The following TFDP2 variants were observed in gnomAD, a reference collection of about 807,000 sequenced individuals.
The protein encoded by TFDP2 is transcription factor Dp-2 (E2F dimerization partner 2).
TFDP2 carries 17 observed loss-of-function variants against 59.3 expected under a neutral mutation model. The ratio of observed to expected loss-of-function variants is 0.29; its 90% CI spans 0.20 to 0.43. The LOEUF (loss-of-function observed/expected upper bound fraction) is 0.43. Ranked by LOEUF, TFDP2 falls within the 20% of genes least tolerant of loss-of-function variation. TFDP2 has a pLI of 1.00. For synonymous variants in TFDP2, 180 were observed against 194.7 expected (o/e 0.92, Z 0.63); for missense variants, 391 against 528.8 (o/e 0.74, Z 2.56).
At chr3:142,025,727 A>C (rs1310124111) in intron 3 of TFDP2, among the ~76,000 whole-genome samples, 1 of 152,226 alleles carries the variant, frequency 6.6e-6, no homozygotes, top group Non-Finnish European at 1.5e-5. Flanking sequence ...CAACCATTAC[A>C]TGTTGCTATT....
intron 3 of TFDP2, among the ~76,000 whole-genome samples, chr3:142,061,975 G>A (rs1230140852): frequency 1.4e-5 from 2 of 139,782 alleles, no homozygotes; most frequent in Admixed American, 7.4e-5. Context: ...GGTTCAAACT[G>A]TACAGGTACA....
intron 3 of TFDP2, among the ~76,000 whole-genome samples, chr3:142,020,542 A>G (rs9824764): frequency 0.045 from 6,850 of 151,276 alleles, 162 homozygotes; most frequent in South Asian, 0.07. Context: ...CTCGGGGGGG[A>G]AAAGAAAGAA....
intron 3 of TFDP2, among the ~76,000 whole-genome samples, chr3:142,051,753 T>A (rs887653219): frequency 6.6e-6 from 1 of 152,214 alleles, no homozygotes; most frequent in African/African-American, 2.4e-5. Flanking sequence ...TTTTGACTGG[T>A]TGTTGCTGGA....
chr3:142,000,286 G>A (rs1468525876), intron 4 of TFDP2: 2 of 702,836 alleles, frequency 2.8e-6, no homozygotes, highest in African/African-American at 1.7e-5. Context: ...CAAAATGAAA[G>A]TGCCGGCAGA....
intron 9 of TFDP2, among the ~76,000 whole-genome samples, chr3:141,965,913 T>C (rs548653919): frequency 6.6e-6 from 1 of 152,072 alleles, no homozygotes; most frequent in South Asian, 2.1e-4. Flanking sequence ...AGAAAAAGAA[T>C]TACATGCTTA....
chr3:142,046,509 A>C (rs535480264), intron 3 of TFDP2, among the ~76,000 whole-genome samples: 11 of 152,300 alleles, frequency 7.2e-5, no homozygotes, highest in Non-Finnish European at 1.5e-4. Flanking sequence ...CACTAAGGGA[A>C]GTACAGAGGT....
At chr3:142,056,022 C>T (rs1278400172) in intron 3 of TFDP2, among the ~76,000 whole-genome samples, 4 of 126,492 alleles carry the variant, frequency 3.2e-5, no homozygotes, top group African/African-American at 9.0e-5. Flanking sequence ...GGCATGATCT[C>T]GGCTCACTGC....
chr3:142,020,850 T>G (rs1415782185), intron 3 of TFDP2, among the ~76,000 whole-genome samples: 4 of 151,870 alleles, frequency 2.6e-5, no homozygotes, highest in Admixed American at 2.6e-4. Context: ...CCAGGTGTAG[T>G]GACACACACT....
chr3:142,058,336 T>A (rs63511662), intron 3 of TFDP2, among the ~76,000 whole-genome samples: 34 of 149,348 alleles, frequency 2.3e-4, no homozygotes, highest in Middle Eastern at 3.4e-3. Context: ...TTTTTTTTTT[T>A]AAATCACACC....
intron 8 of TFDP2, among the ~76,000 whole-genome samples, chr3:141,973,558 C>G (rs941404635): frequency 1.2e-4 from 18 of 152,238 alleles, no homozygotes; most frequent in Non-Finnish European, 2.9e-5. Context: ...TCTATCCATT[C>G]TGGTAAAGAC....
chr3:142,002,565 C>A (rs1194156300), intron 4 of TFDP2, among the ~76,000 whole-genome samples: 2 of 152,102 alleles, frequency 1.3e-5, no homozygotes, highest in African/African-American at 2.4e-5. Context: ...CATATTTGTG[C>A]CAACATTCTG....
intron 11 of TFDP2, among the ~76,000 whole-genome samples, chr3:141,958,576 A>G (rs1055210854): frequency 5.9e-5 from 9 of 152,180 alleles, no homozygotes; most frequent in Non-Finnish European, 1.3e-4. Context: ...AGGGGCATGC[A>G]GTGGACTGGA....
At chr3:142,008,183 T>A (rs891064963) in intron 3 of TFDP2, among the ~76,000 whole-genome samples, 1 of 152,024 alleles carries the variant, frequency 6.6e-6, no homozygotes, top group Admixed American at 6.6e-5. Flanking sequence ...AACCTGGGCA[T>A]CGGGCCATTA....
intron 9 of TFDP2, among the ~76,000 whole-genome samples, chr3:141,967,153 G>T (rs915959744): frequency 1.1e-4 from 17 of 151,900 alleles, no homozygotes; most frequent in African/African-American, 4.1e-4. Flanking sequence ...CTGACCTCGT[G>T]ATCTGCCCAC....
intron 3 of TFDP2, among the ~76,000 whole-genome samples, chr3:142,081,472 G>C (rs1369761805): frequency 6.6e-6 from 1 of 151,950 alleles, no homozygotes; most frequent in Admixed American, 6.6e-5. Context: ...TAGAAGAAAA[G>C]AAAGAATAAG....
chr3:141,989,884 A>ATTATTATTATT (rs1559983467), intron 6 of TFDP2, among the ~76,000 whole-genome samples: 2 of 149,650 alleles, frequency 1.3e-5, no homozygotes, highest in East Asian at 3.9e-4. Flanking sequence ...CTTTAATAAT[A>ATTATTATTATT]ATAATAATAA....
At chr3:141,970,785 G>A (rs1053392175) in intron 8 of TFDP2, among the ~76,000 whole-genome samples, 15 of 152,186 alleles carry the variant, frequency 9.9e-5, no homozygotes, top group Admixed American at 9.8e-4. Flanking sequence ...TGGTAGGCTG[G>A]GTGTGGTGGC....
chr3:142,036,858 G>A (rs1238110258), intron 3 of TFDP2, among the ~76,000 whole-genome samples: 2 of 152,130 alleles, frequency 1.3e-5, no homozygotes, highest in Non-Finnish European at 2.9e-5. Flanking sequence ...TCCCAAACAT[G>A]CTAAAGATAT....
chr3:142,056,474 G>T (rs565494750), intron 3 of TFDP2, among the ~76,000 whole-genome samples: 2 of 152,156 alleles, frequency 1.3e-5, no homozygotes, highest in East Asian at 3.9e-4. Context: ...ACCCAGAAAG[G>T]CTGTCAGATA....
Sources: allele counts gnomAD v4.1 joint callset (sites outside exome capture counted in the v4.1 genomes callset), GRCh38; gene constraint gnomAD v4.1.1; transcripts MANE v1.5; gene names NCBI Gene and HGNC (gene_info 2026-07-23, HGNC 2026-07-21).